CCNT1: variants seen among roughly 807,000 people sequenced by gnomAD.
CCNT1 encodes the protein cyclin T1, also known as cyclin-T1.
In CCNT1, 18 loss-of-function variants were observed where a neutral mutation model predicts 67.3. That is an observed-to-expected ratio of 0.27 (90% confidence interval 0.18 to 0.40). CCNT1 has a LOEUF of 0.40. Ranked by LOEUF, CCNT1 falls within the 10% of genes least tolerant of loss-of-function variation. The pLI is 1.00. For missense variants in CCNT1, 744 were observed against 884.9 expected (o/e 0.84, Z 2.02); for synonymous variants, 333 against 310.3 (o/e 1.07, Z -0.77).
At chr12:48,714,354 C>T in intron 2 of CCNT1, 89 bp downstream of exon 2, 1 of 766,080 alleles carries the variant, frequency 1.3e-6, no homozygotes, top group Non-Finnish European at 2.3e-6. Context: ...GTTCAAGTTA[C>T]AGTTCAGTAG....
At chr12:48,701,801 T>C (rs771992271) in intron 3 of CCNT1, among the ~76,000 whole-genome samples, 3 of 151,734 alleles carry the variant, frequency 2.0e-5, no homozygotes, top group Non-Finnish European at 4.4e-5. Flanking sequence ...AGACGAGGTT[T>C]CTCCATGTTG....
chr12:48,695,535 A>C (rs1336098403), intron 8 of CCNT1, among the ~76,000 whole-genome samples: 1 of 152,200 alleles, frequency 6.6e-6, no homozygotes, highest in Non-Finnish European at 1.5e-5. Flanking sequence ...TACTGCTCAA[A>C]TGATCATATC....
rs776925737 is a variant in CCNT1, at chr12:48,705,909, A to G, written c.244-13T>C. 13 of 1,603,456 alleles carry G rather than the reference A, an allele frequency of 8.1e-6. No individual in the cohort carries two copies. Among genetic ancestry groups the G allele is most frequent in the Non-Finnish European group, 1.1e-5 (13 of 1,176,556 alleles). ...CTGGAGCCACAGACTGAATGGAGAG[A>G]AAATAAATCATATTTATTATCAATT... On this transcript the variant is annotated splice_polypyrimidine_tract_variant and intron_variant, in intron 2 of 8. Transcript: ENST00000261900.
intron 2 of CCNT1, 29 bp from the exon 3 acceptor site, chr12:48,705,925 A>T (rs1219377274): frequency 6.3e-7 from 1 of 1,596,376 alleles, no homozygotes; most frequent in Non-Finnish European, 8.5e-7. Context: ...AATCATATTT[A>T]TTATCAATTT....
chr12:48,709,254 A>T (rs1453475514), intron 2 of CCNT1, among the ~76,000 whole-genome samples: 1 of 152,190 alleles, frequency 6.6e-6, no homozygotes, highest in Admixed American at 6.5e-5. Context: ...ACTCCGTTTC[A>T]AAAACAAAGA....
rs1291250716 is a variant in CCNT1 at position 48,692,961 on chromosome 12, T to C, written c.*72A>G. On this transcript the variant is annotated 3_prime_UTR_variant, in exon 9 of 9. Coordinates refer to ENST00000261900, the MANE Select transcript of CCNT1 (RefSeq NM_001240.4). ...TGACATATTTCATAAGTAATTTTCT[T>C]AGTCCAAAAAAAAAAAAGAAAAATT... 52 of 932,254 alleles carry C rather than the reference T, an allele frequency of 5.6e-5. No individual in the cohort carries two copies. Among genetic ancestry groups the C allele is most frequent in the Non-Finnish European group, 7.8e-5 (49 of 631,636 alleles). 57.7% of individuals were successfully genotyped at this position (932,254 alleles called of 1,614,324 possible). A position where few individuals can be genotyped will look rare whatever the true frequency, so the allele number is the denominator to read the frequency against.
intron 1 of CCNT1, among the ~76,000 whole-genome samples, chr12:48,714,783 T>C (rs1940508505): frequency 6.6e-6 from 1 of 152,212 alleles, no homozygotes; most frequent in Admixed American, 6.5e-5. Context: ...CATCTCAGGA[T>C]GTATGAATCT....
intron 5 of CCNT1, 27 bp from the exon 6 acceptor site, chr12:48,698,210 G>A (rs1425151774): frequency 4.7e-6 from 7 of 1,474,340 alleles, no homozygotes; most frequent in Non-Finnish European, 6.5e-6. Context: ...AAAGTCAGGG[G>A]TGGGGGAGGA....
At chr12:48,701,295 G>A (rs1053725550) in intron 3 of CCNT1, among the ~76,000 whole-genome samples, 4 of 136,142 alleles carry the variant, frequency 2.9e-5, no homozygotes, top group Non-Finnish European at 6.1e-5. Flanking sequence ...GTGTGATCTC[G>A]ACTCACTGCA....
At chr12:48,699,701 T>C (rs947399034) in intron 5 of CCNT1, 77 bp downstream of exon 5, 12 of 959,526 alleles carry the variant, frequency 1.3e-5, no homozygotes, top group African/African-American at 4.9e-5. Flanking sequence ...AGAACTATTA[T>C]GTATTGTCCA....
rs573583934 is a variant in CCNT1 at position 48,701,073 on chromosome 12, C to T, written c.373G>A (p.Ala125Thr). 2.8e-4 allele frequency: 437 copies of T among 1,578,146 alleles called. 4 individuals carry two copies. In the South Asian group the frequency reaches 4.8e-3, roughly 17 times the overall value. ...AGATCTTGAACTTGTTGCAAATAAG[C>T]CTAAAAGTGAGAAGACAGAAATTAT... ...QESLPDTRSE[A>T]YLQQVQDLVI... The change falls in exon 4 of 9, where the codon GCT (alanine) becomes ACT (threonine). Residue 125 changes from alanine to threonine, a missense_variant and splice_region_variant. Around this residue, in one of 3 missense-constraint regions of CCNT1, gnomAD observed 142 missense variants for 277.0 expected, o/e 0.51. Transcript: ENST00000261900.
intron 5 of CCNT1, 39 bp downstream of exon 5, chr12:48,699,739 A>C (rs750674284): frequency 1.6e-5 from 23 of 1,444,180 alleles, no homozygotes; most frequent in Non-Finnish European, 2.2e-5. Flanking sequence ...TAAATGGGAA[A>C]ACAGCTTGAG....
At chr12:48,712,618 AG>A (rs1565621907) in intron 2 of CCNT1, among the ~76,000 whole-genome samples, 3 of 138,714 alleles carry the variant, frequency 2.2e-5, no homozygotes, top group African/African-American at 8.1e-5. Flanking sequence ...AAAAAAAAAA[AG>A]CAGGGAAATA....
chr12:48,697,534 A>ATAT lies in CCNT1; in HGVS notation c.542+603_542+604insATA, dbSNP rs1555157838. ...TGAGACTCTGTCTTAAAAAAAAAAA[A>ATAT]ATATATATATATATATATATATATG... On this transcript the variant is annotated intron_variant, in intron 6 of 8. Coordinates refer to ENST00000261900, the MANE Select transcript of CCNT1 (RefSeq NM_001240.4). Among the ~76,000 whole-genome samples, 362 of 130,666 alleles carry ATAT rather than the reference A, an allele frequency of 2.8e-3. 1 individual carries two copies. Among genetic ancestry groups the ATAT allele is most frequent in the African/African-American group, 9.7e-3 (318 of 32,932 alleles). The allele number at this position is 130,666 out of a possible 152,430, so 85.7% of individuals were successfully genotyped here.
At chr12:48,709,107 T>C (rs568554365) in intron 2 of CCNT1, among the ~76,000 whole-genome samples, 1 of 152,020 alleles carries the variant, frequency 6.6e-6, no homozygotes, top group South Asian at 2.1e-4. Context: ...TATAACTAAC[T>C]GAACAAAGGG....
At chr12:48,699,027 A>G (rs1940225230) in intron 5 of CCNT1, among the ~76,000 whole-genome samples, 2 of 152,190 alleles carry the variant, frequency 1.3e-5, no homozygotes, top group African/African-American at 4.8e-5. Context: ...AAATCATCAA[A>G]TAATGTAATA....
At chr12:48,716,468 C>A (rs777898725) in intron 1 of CCNT1, 47 bp downstream of exon 1, 2 of 1,535,154 alleles carry the variant, frequency 1.3e-6, no homozygotes, top group Non-Finnish European at 1.8e-6. Context: ...GACGCCAGAG[C>A]ATGGCGGGAC....
intron 6 of CCNT1, among the ~76,000 whole-genome samples, chr12:48,697,421 G>A (rs891784683): frequency 6.6e-6 from 1 of 151,184 alleles, no homozygotes; most frequent in Non-Finnish European, 1.5e-5. Flanking sequence ...TAGTGAAGAG[G>A]CTGAGGCCGG....
chr12:48,693,822 G>T lies in CCNT1; in HGVS notation c.1392C>A (p.Ile464=). 1.2e-6 allele frequency: 2 copies of T among 1,614,166 alleles called. No individual in the cohort carries two copies. Among genetic ancestry groups the T allele is most frequent in the South Asian group, 2.2e-5 (2 of 91,086 alleles). ...CAGCTTTATCTCCACCTGCCACTGGGATTCTCATTTTGAGAGCTGTTTTGT... is the reference window on the plus strand; with the variant it reads ...CAGCTTTATCTCCACCTGCCACTGGTATTCTCATTTTGAGAGCTGTTTTGT... ...KADKTALKMR[I]PVAGGDKAAS... Residue 464 remains isoleucine, a synonymous_variant, in exon 9 of 9, where the codon ATC becomes ATA. Coordinates refer to ENST00000261900, the MANE Select transcript of CCNT1 (RefSeq NM_001240.4).
Sources: gnomAD v4.1 joint callset for allele counts (sites outside exome capture counted in the v4.1 genomes callset) on GRCh38, gnomAD v4.1.1 for gene constraint, gnomAD v4.1.1 regional missense constraint, MANE v1.5 for transcripts, NCBI Gene and HGNC (gene_info 2026-07-23, HGNC 2026-07-21) for gene names.